The following KIF19 variants were observed in gnomAD, a reference collection of about 807,000 sequenced individuals.
KIF19 encodes the protein kinesin-like protein KIF19.
KIF19 carries 98 observed loss-of-function variants against 106.6 expected under a neutral mutation model. The observed-to-expected ratio is 0.92, with a 90% CI of 0.78 to 1.09. The LOEUF (loss-of-function observed/expected upper bound fraction) is 1.09. KIF19 is among the 50% of genes least tolerant of loss of function. KIF19 has a pLI of 0.00. For missense variants in KIF19, 1,373 were observed against 1,414.3 expected (o/e 0.97, Z 0.47); for synonymous variants, 516 against 584.2 (o/e 0.88, Z 1.68).
chr17:74,351,598 A>AG (rs1024891850), intron 12 of KIF19, among the ~76,000 whole-genome samples: 70 of 152,284 alleles, frequency 4.6e-4, no homozygotes, highest in African/African-American at 1.7e-3. Flanking sequence ...ATGAGCCCTG[A>AG]GGGGGTCACA....
chr17:74,353,427 G>T, intron 16 of KIF19, 67 bp from the exon 17 acceptor site: 1 of 1,501,734 alleles, frequency 6.7e-7, no homozygotes, highest in South Asian at 1.2e-5. Context: ...CGCTGTCTCT[G>T]CTGAGTGGGG....
chr17:74,346,472 G>A lies in KIF19; in HGVS notation c.872G>A (p.Gly291Asp), dbSNP rs1200948685. 1.3e-6 allele frequency: 2 copies of A among 1,553,400 alleles called. No homozygotes were observed. Among genetic ancestry groups the A allele is most frequent in the Non-Finnish European group, 1.7e-6 (2 of 1,148,178 alleles). ...TGCATCAACGCCCTGAGCGACAAGGGTAGCAACAAGTACATCAACTATCGC... is the reference window on the plus strand; with the variant it reads ...TGCATCAACGCCCTGAGCGACAAGGATAGCAACAAGTACATCAACTATCGC... ...GNCINALSDK[G>D]SNKYINYRDS... Residue 291 changes from glycine to aspartate, a missense_variant, in exon 8 of 20, where the codon GGT becomes GAT. Gly to Asp is a moderately conservative substitution (Grantham distance 94, BLOSUM62 -1). This residue lies in a region of KIF19 where 1,020 missense variants were observed against 1,008.2 expected (regional missense o/e 1.01). Transcript: ENST00000389916. This position sits in a 1 kb window ranked among gnomAD's most constrained non-coding sequence, Gnocchi z 4.6.
chr17:74,346,299 T>C lies in KIF19; in HGVS notation c.778-79T>C. ...TTTATTACCCAGGATCACCAGGTCA[T>C]TCATTGGTGGGGTGGCTGGGGAGAA... On this transcript the variant is annotated intron_variant, in intron 7 of 19. Coordinates refer to ENST00000389916, the MANE Select transcript of KIF19 (RefSeq NM_153209.4). The surrounding 1 kb of genome is among the most constrained non-coding windows in gnomAD (Gnocchi z 4.6). The C allele has an allele frequency of 1.4e-6, 2 of 1,461,804 alleles. No individual in the cohort carries two copies. Among genetic ancestry groups the C allele is most frequent in the Non-Finnish European group, 1.9e-6 (2 of 1,080,768 alleles). The allele number at this position is 1,461,804 out of a possible 1,614,324, so 90.6% of individuals were successfully genotyped here.
At chr17:74,334,872 G>GA (rs1319120145) in intron 2 of KIF19, among the ~76,000 whole-genome samples, 6 of 152,218 alleles carry the variant, frequency 3.9e-5, no homozygotes, top group Non-Finnish European at 8.8e-5. Flanking sequence ...TGCAGATAAA[G>GA]CCAGAGCCAG....
chr17:74,339,308 T>G (rs776107240), intron 2 of KIF19, among the ~76,000 whole-genome samples: 11 of 151,824 alleles, frequency 7.2e-5, no homozygotes, highest in Non-Finnish European at 1.5e-4. Flanking sequence ...GGCTCTGCCA[T>G]TTCCTAGCAA....
At chr17:74,341,737 G>A in intron 2 of KIF19, 139 bp from the exon 3 acceptor site, 2 of 660,134 alleles carry the variant, frequency 3.0e-6, no homozygotes, top group South Asian at 3.5e-5. Context: ...GAGGCGACGA[G>A]GGCTAGATTC....
intron 2 of KIF19, among the ~76,000 whole-genome samples, chr17:74,332,870 G>A (rs570428084): frequency 1.1e-4 from 17 of 152,320 alleles, no homozygotes; most frequent in African/African-American, 3.8e-4. Context: ...TCGCATACTG[G>A]TGGGCAAGTT....
At chr17:74,341,096 A>C (rs1164293465) in intron 2 of KIF19, among the ~76,000 whole-genome samples, 2 of 152,092 alleles carry the variant, frequency 1.3e-5, no homozygotes, top group Non-Finnish European at 1.5e-5. Context: ...GCATTTTGGG[A>C]GGCCGAGGCT....
In KIF19 at chr17:74,346,456, G is replaced by A. The variant is rs373944198; in HGVS notation, c.856G>A (p.Ala286Thr). Residue 286 changes from alanine (A) to threonine (T), a missense_variant, in exon 8 of 20, where the codon GCC (alanine) becomes ACC (threonine). This residue lies in a region of KIF19 where 5 missense variants were observed against 16.5 expected (regional missense o/e 0.30). Coordinates refer to ENST00000389916, the MANE Select transcript of KIF19 (RefSeq NM_153209.4). This position sits in a 1 kb window ranked among gnomAD's most constrained non-coding sequence, Gnocchi z 4.6. ...SLLALGNCIN[A>T]LSDKGSNKYI... is the part of the protein sequence containing the mutation. ...GCTGGCACTGGGCAACTGCATCAAC[G>A]CCCTGAGCGACAAGGGTAGCAACAA... 1.1e-4 allele frequency: 173 copies of A among 1,559,886 alleles called. No individual in the cohort carries two copies. The highest frequency in any genetic ancestry group is 1.5e-4 in the Non-Finnish European group (170 of 1,152,140).
rs201135489 is a variant in KIF19 at position 74,352,288 on chromosome 17, G to A, written c.1928G>A (p.Gly643Asp). The A allele has an allele frequency of 7.9e-5, 127 of 1,612,104 alleles. No individual in the cohort carries two copies. In the East Asian group the frequency reaches 2.8e-3, roughly 35 times the overall value. The change falls in exon 14 of 20, where the codon GGC becomes GAC. Residue 643 changes from glycine to aspartate, a missense_variant. By Grantham distance (94) the Gly-to-Asp change is moderately conservative. This residue lies in a region of KIF19 where 1,020 missense variants were observed against 1,008.2 expected (regional missense o/e 1.01). Coordinates refer to ENST00000389916, the MANE Select transcript of KIF19 (RefSeq NM_153209.4). ...GTGTACCTGCGGGAGCTGGAGGAGGGCAGCCTGGAGCAGGCCACCATCATG... is the reference window on the plus strand; with the variant it reads ...GTGTACCTGCGGGAGCTGGAGGAGGACAGCCTGGAGCAGGCCACCATCATG... Reference protein sequence around the residue: ...YEVYLRELEEGSLEQATIMDQ... With the variant: ...YEVYLRELEEDSLEQATIMDQ...
intron 8 of KIF19, among the ~76,000 whole-genome samples, chr17:74,347,029 G>T (rs778927055): frequency 3.1e-4 from 47 of 152,142 alleles, no homozygotes; most frequent in Admixed American, 2.1e-3. Context: ...TGAGTTTGAG[G>T]GATTACATTT....
chr17:74,348,078 C>T (rs546427171), intron 9 of KIF19, among the ~76,000 whole-genome samples, 179 bp downstream of exon 9: 2 of 152,338 alleles, frequency 1.3e-5, no homozygotes, highest in South Asian at 2.1e-4. Context: ...GCTCCTCTGC[C>T]GGGAAGCCGA....
At position 74,350,722 on chromosome 17, in the gene KIF19, G is replaced by T. The variant is rs1450749164; in HGVS notation, c.1404G>T (p.Lys468Asn). 3.7e-6 allele frequency: 6 copies of T among 1,613,860 alleles called. No individual in the cohort carries two copies. Among genetic ancestry groups the T allele is most frequent in the Non-Finnish European group, 4.2e-6 (5 of 1,179,904 alleles). Reference sequence around the variant, plus strand: ...GCTGCGGCAGCTGGAAGCATGAGAAGTCCCGCCGGGCCCTCAAATGGCGGG... The same window carrying T: ...GCTGCGGCAGCTGGAAGCATGAGAATTCCCGCCGGGCCCTCAAATGGCGGG... ...LLTIAGWKHE[K>N]SRRALKWREE... Residue 468 changes from lysine (K) to asparagine (N), a missense_variant, in exon 12 of 20, where the codon AAG (lysine) becomes AAT (asparagine). Physicochemically the swap from Lys to Asn is moderately conservative, Grantham distance 94. This residue lies in a region of KIF19 where 1,020 missense variants were observed against 1,008.2 expected (regional missense o/e 1.01). Coordinates refer to ENST00000389916, the MANE Select transcript of KIF19 (RefSeq NM_153209.4).
intron 19 of KIF19, 42 bp downstream of exon 19, chr17:74,354,983 C>A (rs779836372): frequency 6.4e-7 from 1 of 1,568,194 alleles, no homozygotes; most frequent in South Asian, 1.2e-5. Flanking sequence ...GAGGCCTCCA[C>A]CAGGCAGGGG....
chr17:74,347,641 T>C (rs1045710542), intron 8 of KIF19, 136 bp from the exon 9 acceptor site: 8 of 980,228 alleles, frequency 8.2e-6, no homozygotes, highest in Non-Finnish European at 1.2e-5. Flanking sequence ...TCACACCATA[T>C]GACGCTCAGC....
At chr17:74,339,503 C>T (rs1405520289) in intron 2 of KIF19, among the ~76,000 whole-genome samples, 1 of 150,826 alleles carries the variant, frequency 6.6e-6, no homozygotes, top group Non-Finnish European at 1.5e-5. Flanking sequence ...TTCCCTACCT[C>T]CCTCGCCCCC....
At chr17:74,328,372 G>A in intron 1 of KIF19, 53 bp from the exon 2 acceptor site, 2 of 1,528,994 alleles carry the variant, frequency 1.3e-6, no homozygotes, top group Non-Finnish European at 1.8e-6. Flanking sequence ...GTCTCTCTGA[G>A]GCCCAGCATG....
intron 7 of KIF19, 60 bp downstream of exon 7, chr17:74,345,015 GCAGGAA>G: frequency 6.8e-7 from 1 of 1,476,908 alleles, no homozygotes; most frequent in East Asian, 2.4e-5. Context: ...ACAGCGGAGG[GCAGGAA>G]TGGTGACTCC....
chr17:74,347,605 G>A (rs2054572867), intron 8 of KIF19, among the ~76,000 whole-genome samples, 172 bp from the exon 9 acceptor site: 1 of 152,038 alleles, frequency 6.6e-6, no homozygotes, highest in African/African-American at 2.4e-5. Context: ...GTAATTGCTG[G>A]AGCAGGGCTT....
Sources: allele counts gnomAD v4.1 joint callset (sites outside exome capture counted in the v4.1 genomes callset), GRCh38; gene constraint gnomAD v4.1.1; regional missense constraint gnomAD v4.1.1; non-coding constraint Gnocchi (gnomAD v3.1); transcripts MANE v1.5; gene names NCBI Gene and HGNC (gene_info 2026-07-23, HGNC 2026-07-21).